IGFBP3: variants seen among roughly 807,000 people sequenced by gnomAD.
IGFBP3 encodes insulin like growth factor binding protein 3.
Under a neutral mutation model 28.6 loss-of-function variants are expected in IGFBP3, and 9 were observed. The ratio of observed to expected loss-of-function variants is 0.31; its 90% CI spans 0.19 to 0.55. The LOEUF is 0.55. IGFBP3 is among the 20% of genes least tolerant of loss of function. IGFBP3 has a pLI of 0.93. For missense variants in IGFBP3, 382 were observed against 428.9 expected (o/e 0.89, Z 0.97); for synonymous variants, 185 against 188.2 (o/e 0.98, Z 0.14).
rs749208843 is a variant in IGFBP3, at chr7:45,920,908, C to T, written c.233G>A (p.Gly78Asp). 7 of 1,434,532 alleles carry T rather than the reference C, an allele frequency of 4.9e-6. No homozygotes were observed. Among genetic ancestry groups the T allele is most frequent in the Admixed American group, 2.9e-5 (1 of 35,084 alleles). 88.9% of individuals were successfully genotyped at this position (1,434,532 alleles called of 1,614,324 possible). ...GCCLTCALSE[G>D]QPCGIYTERC... ...CTCGGTGTAGATGCCGCACGGCTGG[C>T]CCTCGCTCAGTGCGCACGTCAGGCA... The change falls in exon 1 of 5, where the codon GGC becomes GAC. Residue 78 changes from glycine to aspartate, a missense_variant. Coordinates refer to ENST00000613132, the MANE Select transcript of IGFBP3 (RefSeq NM_000598.5).
intron 3 of IGFBP3, chr7:45,915,253 C>CTGAGAACATCCCCGCTGCCTGCGA (rs1213467990): frequency 2.3e-5 from 7 of 310,670 alleles, no homozygotes; most frequent in Non-Finnish European, 4.2e-5. Flanking sequence ...AAATGTGGGA[C>CTGAGAACATCCCCGCTGCCTGCGA]TGAGAACATC....
Position 45,920,902 on chromosome 7 carries a change from G to C in IGFBP3, c.239C>G (p.Pro80Arg), listed in dbSNP as rs867623388. Residue 80 changes from proline to arginine, a missense_variant, in exon 1 of 5, where the codon CCG becomes CGG. By Grantham distance (103) the Pro-to-Arg change is moderately radical. Transcript: ENST00000613132. The stretch of plus-strand genomic sequence containing the variant: ...ACAGCGCTCGGTGTAGATGCCGCAC[G>C]GCTGGCCCTCGCTCAGTGCGCACGT... The part of the protein sequence containing the change: ...CLTCALSEGQ[P>R]CGIYTERCGS... 1 of 1,435,964 alleles carries C rather than the reference G, an allele frequency of 7.0e-7. No homozygotes were observed. Among genetic ancestry groups the C allele is most frequent in the Non-Finnish European group, 9.1e-7 (1 of 1,102,028 alleles). 89.0% of individuals were successfully genotyped at this position (1,435,964 alleles called of 1,614,324 possible). A position where few individuals can be genotyped will look rare whatever the true frequency, so the allele number is the denominator to read the frequency against.
chr7:45,916,709 T>A, intron 2 of IGFBP3, 42 bp from the exon 3 acceptor site: 1 of 1,587,486 alleles, frequency 6.3e-7, no homozygotes. Flanking sequence ...TCACAGTTTT[T>A]ACTCTAGAAT....
chr7:45,920,653 CCG>C, intron 1 of IGFBP3, 83 bp downstream of exon 1: 3 of 1,216,690 alleles, frequency 2.5e-6, no homozygotes, highest in Non-Finnish European at 3.1e-6. Flanking sequence ...GCGGAGTCTC[CCG>C]CAGCGGCACC....
chr7:45,914,699 T>C, intron 4 of IGFBP3, 106 bp downstream of exon 4: 1 of 1,101,958 alleles, frequency 9.1e-7, no homozygotes, highest in East Asian at 2.4e-5. Context: ...CTGCAGCTCC[T>C]GGGTCTGTAA....
intron 3 of IGFBP3, among the ~76,000 whole-genome samples, chr7:45,916,268 T>A (rs543019827): frequency 6.6e-6 from 1 of 152,224 alleles, no homozygotes; most frequent in Non-Finnish European, 1.5e-5. Flanking sequence ...CTGGGCAGCA[T>A]CTTGTCCGCC....
intron 3 of IGFBP3, among the ~76,000 whole-genome samples, chr7:45,915,869 C>T (rs1203797854): frequency 2.0e-5 from 3 of 152,176 alleles, no homozygotes; most frequent in East Asian, 1.9e-4. Flanking sequence ...CAGCATGGAC[C>T]GAGTGTCTGA....
At position 45,921,198 on chromosome 7, in the gene IGFBP3, A is replaced by G; in HGVS notation, c.-58T>C. 1 of 1,485,764 alleles carries G rather than the reference A, an allele frequency of 6.7e-7. No individual in the cohort carries two copies. The allele number at this position is 1,485,764 out of a possible 1,614,324, so 92.0% of individuals were successfully genotyped here. ...GCTGGGCGCGCAGGGATGGGGCGAC[A>G]GTACACGGCGCGAAGCTGTGGAATC... On this transcript the variant is annotated 5_prime_UTR_variant, in exon 1 of 5. Transcript: ENST00000613132.
In IGFBP3 at chr7:45,913,480, C is replaced by T. The variant is rs1177877046; in HGVS notation, c.*370G>A. ...GAGTGGGGGTGAAGCGTGTTCTCTA[C>T]ATAGGCAACACAGCCGCCTAAGTCA... On this transcript the variant is annotated 3_prime_UTR_variant, in exon 5 of 5. Transcript: ENST00000613132. The T allele has an allele frequency of 6.6e-6, 1 of 152,242 alleles. No individual in the cohort carries two copies. Among genetic ancestry groups the T allele is most frequent in the African/African-American group, 2.4e-5 (1 of 41,440 alleles). The allele number at this position is 152,242 out of a possible 1,614,324, so 9.4% of individuals were successfully genotyped here. A position where few individuals can be genotyped will look rare whatever the true frequency, so the allele number is the denominator to read the frequency against.
At chr7:45,915,374 G>C (rs35440925) in intron 3 of IGFBP3, 31,933 of 175,574 alleles carry the variant, frequency 0.18, 3,069 homozygotes, top group Middle Eastern at 0.29. Flanking sequence ...AGAAAACGTG[G>C]GTATAAACGA....
At chr7:45,920,556 G>C (rs887658999) in intron 1 of IGFBP3, 182 bp downstream of exon 1, 1 of 486,368 alleles carries the variant, frequency 2.1e-6, no homozygotes, top group Admixed American at 4.4e-5. Context: ...GTAGAGGGCC[G>C]GCTGGGGAGG....
chr7:45,915,158 A>C, intron 3 of IGFBP3: 73 of 486,198 alleles, frequency 1.5e-4, no homozygotes, highest in East Asian at 6.6e-4. Context: ...TGCTCCAAGA[A>C]AGCGGGGGTG....
rs371701164 is a variant in IGFBP3, at chr7:45,914,850, G to A, written c.846C>T (p.Asp282=). The A allele has an allele frequency of 1.2e-5, 20 of 1,614,060 alleles. No individual in the cohort carries two copies. Among genetic ancestry groups the A allele is most frequent in the South Asian group, 4.4e-5 (4 of 91,094 alleles). Residue 282 remains aspartate (D), a synonymous_variant, in exon 4 of 5, where the codon GAC becomes GAT. Transcript: ENST00000613132. The part of the protein sequence containing the change: ...LPGYTTKGKE[D]VHCYSMQSK ...TGCTCTGCATGCTGTAGCAGTGCACGTCCTCCTTCCCCTTGGTGGTGTAGC... is the reference window on the plus strand; with the variant it reads ...TGCTCTGCATGCTGTAGCAGTGCACATCCTCCTTCCCCTTGGTGGTGTAGC...
intron 1 of IGFBP3, among the ~76,000 whole-genome samples, chr7:45,918,513 C>G (rs1292680411): frequency 6.6e-6 from 1 of 152,174 alleles, no homozygotes; most frequent in Non-Finnish European, 1.5e-5. Flanking sequence ...GGATCAAAGG[C>G]TACATTCAGA....
chr7:45,915,201 G>A (rs1784594208), intron 3 of IGFBP3: 3 of 434,236 alleles, frequency 6.9e-6, no homozygotes, highest in Admixed American at 7.5e-5. Flanking sequence ...AGTATAAGGT[G>A]GACACCAGCC....
At position 45,917,375 on chromosome 7, in the gene IGFBP3, G is replaced by A. The variant is rs1431571876; in HGVS notation, c.468C>T (p.Ser156=). 6.2e-7 allele frequency: 1 copy of A among 1,614,032 alleles called. No homozygotes were observed. Among genetic ancestry groups the A allele is most frequent in the South Asian group, 1.1e-5 (1 of 91,072 alleles). The change falls in exon 2 of 5, where the codon AGC becomes AGT. Residue 156 remains serine, a synonymous_variant. Transcript: ENST00000613132. ...ACTTGGGATCAGACACCCGGTGCGT[G>A]CTGGAGACGGACGGGCTCTCCACAC... ...AGSVESPSVS[S]THRVSDPKFH...
rs1361504656 is a variant in IGFBP3, at chr7:45,920,881, C to T, written c.260G>A (p.Arg87His). The change falls in exon 1 of 5, where the codon CGC (arginine) becomes CAC (histidine). Residue 87 changes from arginine (R) to histidine (H), a missense_variant. Transcript: ENST00000613132. ...CTGGCAGCGAAGGCCGGAGCCACAG[C>T]GCTCGGTGTAGATGCCGCACGGCTG... ...EGQPCGIYTE[R>H]CGSGLRCQPS... 1.4e-6 allele frequency: 2 copies of T among 1,427,588 alleles called. No homozygotes were observed. Among genetic ancestry groups the T allele is most frequent in the East Asian group, 6.2e-5 (2 of 32,442 alleles). 88.4% of individuals were successfully genotyped at this position (1,427,588 alleles called of 1,614,324 possible).
At chr7:45,917,015 A>C in intron 2 of IGFBP3, 198 bp downstream of exon 2, 1 of 595,928 alleles carries the variant, frequency 1.7e-6, no homozygotes. Flanking sequence ...TTTCAGCTTG[A>C]TCCTCATAAG....
chr7:45,917,521 G>C, intron 1 of IGFBP3, 82 bp from the exon 2 acceptor site: 1 of 1,151,078 alleles, frequency 8.7e-7, no homozygotes, highest in Non-Finnish European at 1.2e-6. Context: ...GTTGCAACCA[G>C]GTCACATGTA....
Sources: gnomAD v4.1 joint callset for allele counts (sites outside exome capture counted in the v4.1 genomes callset) on GRCh38, gnomAD v4.1.1 for gene constraint, MANE v1.5 for transcripts, NCBI Gene and HGNC (gene_info 2026-07-23, HGNC 2026-07-21) for gene names.